Variants in SETDB2 observed in about 807,000 individuals in gnomAD.
The protein encoded by SETDB2 is SET domain bifurcated histone lysine methyltransferase 2.
A neutral mutation model predicts 82.5 loss-of-function variants in SETDB2; 56 were observed. That is an observed-to-expected ratio of 0.68 (90% CI 0.55 to 0.85). The LOEUF is 0.85. SETDB2 is among the 40% of genes least tolerant of loss of function. The pLI is 0.00. For synonymous variants in SETDB2, 272 were observed against 284.9 expected (o/e 0.95, Z 0.46); for missense variants, 677 against 816.4 (o/e 0.83, Z 2.08).
At chr13:49,454,426 A>G (rs1275058704) in intron 2 of SETDB2, among the ~76,000 whole-genome samples, 1 of 152,100 alleles carries the variant, frequency 6.6e-6, no homozygotes, top group African/African-American at 2.4e-5. Flanking sequence ...AAATAAATAA[A>G]AATAGAATTT....
intron 3 of SETDB2, among the ~76,000 whole-genome samples, chr13:49,460,591 C>T (rs1040004197): frequency 1.3e-5 from 2 of 152,124 alleles, no homozygotes; most frequent in Non-Finnish European, 2.9e-5. Flanking sequence ...TACCAGTCTT[C>T]TGAAAGCAAA....
chr13:49,460,307 C>A (rs1957967755), intron 3 of SETDB2, 75 bp downstream of exon 3: 1 of 1,425,238 alleles, frequency 7.0e-7, no homozygotes, highest in Non-Finnish European at 9.4e-7. Context: ...CATTCTATTT[C>A]CAATATTGCT....
At chr13:49,456,386 C>T (rs974656220) in intron 2 of SETDB2, among the ~76,000 whole-genome samples, 3 of 152,082 alleles carry the variant, frequency 2.0e-5, no homozygotes, top group East Asian at 1.9e-4. Context: ...ATGTACTTGG[C>T]GTCCTTCATT....
chr13:49,490,842 C>T lies in SETDB2; in HGVS notation c.1938C>T (p.Leu646=), dbSNP rs1023914162. The T allele has an allele frequency of 1.9e-6, 3 of 1,612,324 alleles. No individual in the cohort carries two copies. The highest frequency in any genetic ancestry group is 2.7e-5 in the African/African-American group (2 of 74,874). Residue 646 remains leucine (L), a synonymous_variant, in exon 13 of 14, where the codon CTC becomes CTT. Transcript: ENST00000611815. ...RFLNHSCCPN[L]LVQNVFVETH... is the part of the protein sequence containing the mutation. ...AACAGCATAGTTGTTGCCCAAATCT[C>T]TTGGTACAGAATGTTTTTGTAGAAA...
intron 1 of SETDB2, chr13:49,446,551 T>TG (rs1957694045): frequency 2.9e-6 from 1 of 340,818 alleles, no homozygotes; most frequent in Admixed American, 4.3e-5. Flanking sequence ...AAAAATACTA[T>TG]ACTACATCAT....
intron 10 of SETDB2, 115 bp from the exon 11 acceptor site, chr13:49,485,515 C>A: frequency 1.3e-6 from 1 of 788,394 alleles, no homozygotes; most frequent in South Asian, 1.7e-5. Context: ...TGAGGCTTTT[C>A]AAAACGAATC....
chr13:49,466,769 A>T (rs1594149610), intron 4 of SETDB2, among the ~76,000 whole-genome samples: 1 of 151,610 alleles, frequency 6.6e-6, no homozygotes, highest in South Asian at 2.1e-4. Flanking sequence ...CTCAGTTCCT[A>T]AATAGCTAGA....
At chr13:49,489,102 C>T (rs3764089) in intron 12 of SETDB2, 80,324 of 152,604 alleles carry the variant, frequency 0.53, 21,259 homozygotes, top group Middle Eastern at 0.57. Flanking sequence ...CCACAATATA[C>T]TGGTTTTTTG....
At chr13:49,454,552 A>T (rs1198784345) in intron 2 of SETDB2, among the ~76,000 whole-genome samples, 1 of 152,228 alleles carries the variant, frequency 6.6e-6, no homozygotes, top group Admixed American at 6.5e-5. Flanking sequence ...AAAGTTACTT[A>T]GGTCAGTACC....
At chr13:49,483,590 C>A in intron 10 of SETDB2, 27 bp downstream of exon 10, 1 of 791,598 alleles carries the variant, frequency 1.3e-6, no homozygotes, top group Non-Finnish European at 2.0e-6. Flanking sequence ...GTAGTTGGGA[C>A]CCTTCTTTTC....
intron 5 of SETDB2, among the ~76,000 whole-genome samples, chr13:49,473,126 T>TA (rs1279561628): frequency 6.6e-6 from 1 of 152,210 alleles, no homozygotes; most frequent in Non-Finnish European, 1.5e-5. Context: ...GAACTAAGGA[T>TA]AACCCAGATA....
intron 5 of SETDB2, among the ~76,000 whole-genome samples, chr13:49,473,173 A>G (rs1594160373): frequency 6.6e-6 from 1 of 152,304 alleles, no homozygotes; most frequent in East Asian, 1.9e-4. Flanking sequence ...TAATCCCTTC[A>G]TATTCCAAGA....
intron 3 of SETDB2, 36 bp from the exon 4 acceptor site, chr13:49,461,061 A>G: frequency 6.7e-7 from 1 of 1,503,230 alleles, no homozygotes; most frequent in Non-Finnish European, 9.2e-7. Context: ...ACCATAAATA[A>G]AGGTAATGGT....
At chr13:49,482,182 C>G (rs1487045301) in intron 8 of SETDB2, 4 of 985,264 alleles carry the variant, frequency 4.1e-6, no homozygotes, top group Non-Finnish European at 4.8e-6. Flanking sequence ...AGATATGTCT[C>G]CGATCTAACA....
chr13:49,492,150 G>C lies in SETDB2; in HGVS notation c.*301G>C. ...TTTATTTACAAATTATATATTAAGA[G>C]AAACAAATGTCATAACAGAACTCAG... On this transcript the variant is annotated 3_prime_UTR_variant, in exon 14 of 14. Coordinates refer to ENST00000611815, the MANE Select transcript of SETDB2 (RefSeq NM_001160308.3). 1 of 230,354 alleles carries C rather than the reference G, an allele frequency of 4.3e-6. No homozygotes were observed. The highest frequency in any genetic ancestry group is 5.6e-5 in the South Asian group (1 of 17,798). The allele number at this position is 230,354 out of a possible 1,614,324, so 14.3% of individuals were successfully genotyped here. A position where few individuals can be genotyped will look rare whatever the true frequency, so the allele number is the denominator to read the frequency against.
At chr13:49,488,166 T>C in intron 11 of SETDB2, 124 bp from the exon 12 acceptor site, 1 of 1,329,440 alleles carries the variant, frequency 7.5e-7, no homozygotes, top group East Asian at 2.6e-5. Flanking sequence ...AAAATAATAC[T>C]ACCTGCCTAA....
rs537251500 is a variant in SETDB2, at chr13:49,493,357, T to C, written c.*1508T>C. 1 of 152,364 alleles carries C rather than the reference T, an allele frequency of 6.6e-6. No individual in the cohort carries two copies. The highest frequency in any genetic ancestry group is 6.5e-5 in the Admixed American group (1 of 15,302). 9.4% of individuals were successfully genotyped at this position (152,364 alleles called of 1,614,324 possible). A position where few individuals can be genotyped will look rare whatever the true frequency, so the allele number is the denominator to read the frequency against. On this transcript the variant is annotated 3_prime_UTR_variant, in exon 14 of 14. Transcript: ENST00000611815. ...ATATTATGGATCAGCCAGTATTTCT[T>C]TGAGCTCTGCCTGTGGAGTCCATTT...
chr13:49,485,761 G>A, intron 11 of SETDB2, 38 bp downstream of exon 11: 1 of 1,494,974 alleles, frequency 6.7e-7, no homozygotes, highest in Non-Finnish European at 9.3e-7. Flanking sequence ...TACCTCTTCT[G>A]CCTGTTTCTC....
At chr13:49,469,898 ACT>A (rs1958192789) in intron 5 of SETDB2, among the ~76,000 whole-genome samples, 1 of 151,868 alleles carries the variant, frequency 6.6e-6, no homozygotes, top group African/African-American at 2.4e-5. Flanking sequence ...TTTTTGAGAA[ACT>A]CTTCCTTCTC....
Sources: allele counts gnomAD v4.1 joint callset (sites outside exome capture counted in the v4.1 genomes callset), GRCh38; gene constraint gnomAD v4.1.1; transcripts MANE v1.5; gene names NCBI Gene and HGNC (gene_info 2026-07-23, HGNC 2026-07-21).